Variants in MRAP2 observed in about 807,000 individuals in gnomAD.
The protein encoded by MRAP2 is melanocortin-2 receptor accessory protein 2.
In MRAP2, 20 loss-of-function variants were observed where a neutral mutation model predicts 17.4. The ratio of observed to expected loss-of-function variants is 1.15; its 90% CI spans 0.81 to 1.67. The LOEUF (loss-of-function observed/expected upper bound fraction) is 1.67, where lower values mean the gene tolerates loss of function less well. Among genes scored for constraint, MRAP2 ranks in the 40% most tolerant of loss-of-function variants. The pLI, the probability that MRAP2 is intolerant of heterozygous loss-of-function variation, is 0.00. For missense variants in MRAP2, 238 were observed against 240.0 expected (o/e 0.99, Z 0.05); for synonymous variants, 96 against 88.4 (o/e 1.09, Z -0.48).
At chr6:84,132,525 GGA>G in the MRAP2 span, among the ~76,000 whole-genome samples, 1 of 152,184 alleles carries the variant, frequency 6.6e-6, no homozygotes, top group South Asian at 2.1e-4. Flanking sequence ...CATATTTCTT[GGA>G]GGCTTTGTTC....
intron 1 of MRAP2, chr6:84,052,923 G>A (rs561506709): frequency 4.1e-5 from 14 of 341,054 alleles, no homozygotes; most frequent in South Asian, 1.2e-4. Flanking sequence ...TAAATAGTTC[G>A]TTTAGATGAA....
intron 3 of MRAP2, among the ~76,000 whole-genome samples, chr6:84,074,638 G>A (rs1398206565): frequency 2.6e-5 from 4 of 152,110 alleles, no homozygotes; most frequent in Non-Finnish European, 4.4e-5. Flanking sequence ...CCCTGTGCCC[G>A]TGCCCACAAC....
At chr6:84,125,265 T>C in the MRAP2 span, 7 of 1,613,256 alleles carry the variant, frequency 4.3e-6, no homozygotes, top group South Asian at 3.3e-5. Context: ...CTTGGTGTGT[T>C]TGCTGTATTA....
chr6:84,083,778 C>A (rs551600156), intron 3 of MRAP2, among the ~76,000 whole-genome samples: 28 of 152,246 alleles, frequency 1.8e-4, no homozygotes, highest in African/African-American at 6.3e-4. Flanking sequence ...ATTTATTAAT[C>A]AGATCTCTTT....
At chr6:84,099,071 C>T in the MRAP2 span, among the ~76,000 whole-genome samples, 861 of 150,030 alleles carry the variant, frequency 5.7e-3, 5 homozygotes, top group African/African-American at 0.02. Context: ...TCTAGAAGTT[C>T]TATAGTTTCA....
At chr6:84,057,863 C>G (rs1387339648) in intron 2 of MRAP2, among the ~76,000 whole-genome samples, 1 of 151,980 alleles carries the variant, frequency 6.6e-6, no homozygotes, top group South Asian at 2.1e-4. Context: ...CCATCGAAAG[C>G]CTTACTGAGA....
intron 3 of MRAP2, among the ~76,000 whole-genome samples, chr6:84,078,126 A>G (rs984424096): frequency 6.6e-6 from 1 of 152,216 alleles, no homozygotes; most frequent in Non-Finnish European, 1.5e-5. Context: ...ACTAAACATA[A>G]AGGAAAAAAA....
At chr6:84,036,552 C>T (rs1222486978) in intron 1 of MRAP2, among the ~76,000 whole-genome samples, 2 of 152,124 alleles carry the variant, frequency 1.3e-5, no homozygotes, top group Non-Finnish European at 2.9e-5. Context: ...AGTGAAGCTG[C>T]AGACCTTCAC....
intron 1 of MRAP2, among the ~76,000 whole-genome samples, chr6:84,046,762 CA>C (rs2099489133): frequency 1.8e-5 from 2 of 110,878 alleles, no homozygotes; most frequent in East Asian, 2.7e-4. Context: ...GCCTGGGCAA[CA>C]GAGCGAAACT....
At chr6:84,118,282 T>A in the MRAP2 span, among the ~76,000 whole-genome samples, 1 of 152,090 alleles carries the variant, frequency 6.6e-6, no homozygotes, top group Non-Finnish European at 1.5e-5. Context: ...AAAACAGCCA[T>A]GCTGTGCTGG....
At chr6:84,116,887 G>T in the MRAP2 span, among the ~76,000 whole-genome samples, 1 of 152,080 alleles carries the variant, frequency 6.6e-6, no homozygotes. Flanking sequence ...AATTTGGTTT[G>T]CCAGTATTTT....
rs528243064 is a variant in MRAP2, at chr6:84,064,636, C to T, written c.227+1644C>T. On this transcript the variant is annotated intron_variant, in intron 3 of 3. Transcript: ENST00000257776. ...CCCAGTAGCTGGGACTACAGGCACC[C>T]ACCACCACGCCCAGCTACTTTTTTG... Among the ~76,000 whole-genome samples the T allele has an allele frequency of 2.6e-4, 39 of 152,236 alleles. No individual in the cohort carries two copies. In the South Asian group the frequency reaches 2.9e-3, roughly 11 times the overall value.
Position 84,089,818 on chromosome 6 carries a change from T to C in MRAP2, c.*337T>C, listed in dbSNP as rs892099342. 1.3e-4 allele frequency: 28 copies of C among 213,518 alleles called. No individual in the cohort carries two copies. The highest frequency in any genetic ancestry group is 1.3e-3 in the Admixed American group (25 of 19,108). The allele number at this position is 213,518 out of a possible 1,614,324, so 13.2% of individuals were successfully genotyped here. A position where few individuals can be genotyped will look rare whatever the true frequency, so the allele number is the denominator to read the frequency against. The stretch of plus-strand genomic sequence containing the variant: ...TTATTAAAACATGAGTTTTGTTTTT[T>C]TTTTTGCTATTTTTTTTAAAGCTCG... On this transcript the variant is annotated 3_prime_UTR_variant, in exon 4 of 4. Transcript: ENST00000257776.
At chr6:84,132,406 G>T in the MRAP2 span, among the ~76,000 whole-genome samples, 2 of 152,172 alleles carry the variant, frequency 1.3e-5, no homozygotes, top group Non-Finnish European at 2.9e-5. Flanking sequence ...CTAGGCTGGG[G>T]AAGTTCTCCT....
chr6:84,111,516 G>A, the MRAP2 span, among the ~76,000 whole-genome samples: 1 of 152,056 alleles, frequency 6.6e-6, no homozygotes, highest in African/African-American at 2.4e-5. Context: ...GAGACAATGG[G>A]GTTTTCTAAA....
At chr6:84,071,950 A>G (rs1365310808) in intron 3 of MRAP2, among the ~76,000 whole-genome samples, 2 of 152,122 alleles carry the variant, frequency 1.3e-5, no homozygotes, top group African/African-American at 4.8e-5. Context: ...TAAACTATCT[A>G]TTTCCTTGAA....
chr6:84,115,392 C>T, the MRAP2 span, among the ~76,000 whole-genome samples: 2 of 152,326 alleles, frequency 1.3e-5, no homozygotes, highest in Middle Eastern at 3.4e-3. Flanking sequence ...AAACCTCCTA[C>T]TCAGGTCTCA....
chr6:84,134,931 C>T, the MRAP2 span, among the ~76,000 whole-genome samples: 7 of 149,660 alleles, frequency 4.7e-5, no homozygotes, highest in African/African-American at 1.8e-4. Context: ...CACACACACA[C>T]ACACACACAC....
intron 3 of MRAP2, among the ~76,000 whole-genome samples, chr6:84,064,345 C>T (rs1203875348): frequency 1.3e-5 from 2 of 152,080 alleles, no homozygotes; most frequent in Non-Finnish European, 2.9e-5. Flanking sequence ...ACCATTGCTC[C>T]CCACTGGCTG....
Sources: gnomAD v4.1 joint callset for allele counts (sites outside exome capture counted in the v4.1 genomes callset) on GRCh38, gnomAD v4.1.1 for gene constraint, MANE v1.5 for transcripts, NCBI Gene and HGNC (gene_info 2026-07-23, HGNC 2026-07-21) for gene names.